BCAS4: variants seen among roughly 807,000 people sequenced by gnomAD.
BCAS4 encodes breast carcinoma-amplified sequence 4.
BCAS4 carries 9 observed loss-of-function variants against 15.7 expected under a neutral mutation model. The ratio of observed to expected loss-of-function variants is 0.57; its 90% CI spans 0.34 to 1.00. The LOEUF is 1.00. BCAS4 is among the 50% of genes least tolerant of loss of function. The pLI is 0.02. For missense variants in BCAS4, 225 were observed against 239.1 expected (o/e 0.94, Z 0.39); for synonymous variants, 101 against 99.5 (o/e 1.02, Z -0.09).
chr20:50,864,884 A>G (rs1285476130), intron 4 of BCAS4, among the ~76,000 whole-genome samples: 9 of 151,470 alleles, frequency 5.9e-5, no homozygotes, highest in Admixed American at 5.9e-4. Context: ...ACTTGAGGTC[A>G]GGAGTTTGAG....
chr20:50,846,121 G>A (rs1203592161), intron 4 of BCAS4, among the ~76,000 whole-genome samples: 1 of 152,240 alleles, frequency 6.6e-6, no homozygotes, highest in Non-Finnish European at 1.5e-5. Context: ...CCACAAAAAT[G>A]TACGCATGAC....
intron 3 of BCAS4, among the ~76,000 whole-genome samples, chr20:50,839,255 GCA>G (rs1202176187): frequency 6.6e-6 from 1 of 152,202 alleles, no homozygotes; most frequent in Non-Finnish European, 1.5e-5. Flanking sequence ...ACGTGCATAC[GCA>G]CACTAACACA....
chr20:50,836,734 C>CT (rs11481384), intron 3 of BCAS4, among the ~76,000 whole-genome samples: 9,588 of 152,036 alleles, frequency 0.063, 381 homozygotes, highest in African/African-American at 0.11. Flanking sequence ...TAAAAACTAA[C>CT]TTTTTTTTGA....
At chr20:50,818,366 G>T in intron 2 of BCAS4, 84 bp downstream of exon 2, 1 of 1,401,160 alleles carries the variant, frequency 7.1e-7, no homozygotes, top group Non-Finnish European at 9.8e-7. Context: ...AGCCATTTTG[G>T]TGGTGAGTTA....
chr20:50,867,730 A>G (rs1979427682), intron 4 of BCAS4, among the ~76,000 whole-genome samples: 1 of 152,216 alleles, frequency 6.6e-6, no homozygotes, highest in Non-Finnish European at 1.5e-5. Flanking sequence ...CCTAGTCAAC[A>G]TGGTGAAACC....
chr20:50,841,902 T>G lies in BCAS4; in HGVS notation c.399+2T>G. On this transcript the variant is annotated splice_donor_variant, in intron 4 of 4. Transcript: ENST00000371608. LOFTEE classifies it high-confidence loss of function. ...GCAGGGCTCCCCTCCTTCAGGAACG[T>G]GAGTATCCTGCCCCGAGAAGTGAGG... The G allele has an allele frequency of 1.3e-6, 2 of 1,573,374 alleles. No individual in the cohort carries two copies. The highest frequency in any genetic ancestry group is 1.7e-6 in the Non-Finnish European group (2 of 1,158,622).
chr20:50,861,506 C>T (rs186752573), intron 4 of BCAS4, among the ~76,000 whole-genome samples: 88 of 152,314 alleles, frequency 5.8e-4, no homozygotes, highest in African/African-American at 1.9e-3. Context: ...CCAGCACGGA[C>T]GGCCTGTCTT....
intron 4 of BCAS4, among the ~76,000 whole-genome samples, chr20:50,867,787 G>A (rs751570660): frequency 1.3e-5 from 2 of 152,210 alleles, no homozygotes; most frequent in South Asian, 2.1e-4. Flanking sequence ...GGTGGCGCAC[G>A]CGTGTAATCC....
intron 4 of BCAS4, among the ~76,000 whole-genome samples, chr20:50,845,185 A>G (rs1001964181): frequency 7.2e-5 from 11 of 152,190 alleles, no homozygotes; most frequent in African/African-American, 2.6e-4. Flanking sequence ...GCCCACCCAG[A>G]AAATGGTGGA....
chr20:50,804,132 G>T (rs557655345), intron 1 of BCAS4, among the ~76,000 whole-genome samples: 1 of 152,070 alleles, frequency 6.6e-6, no homozygotes, highest in Non-Finnish European at 1.5e-5. Context: ...TCTGCCTCCC[G>T]GGTTCAAGCG....
Position 50,824,917 on chromosome 20 carries a change from GT to G in BCAS4, c.163-5354del, listed in dbSNP as rs986114242. On this transcript the variant is annotated intron_variant, in intron 2 of 4. Transcript: ENST00000371608. ...CATCTGGTTTGGTTTTACTTTTTTTGTTTTTTTTAGGCATGATTGGGCTGAC... is the reference window on the plus strand; with the variant it reads ...CATCTGGTTTGGTTTTACTTTTTTTGTTTTTTTAGGCATGATTGGGCTGAC... 3.3e-5 allele frequency among the ~76,000 whole-genome samples: 5 copies of G among 151,896 alleles called. No individual in the cohort carries two copies. The South Asian group carries it at 1.0e-3, about 32-fold the overall frequency.
intron 1 of BCAS4, among the ~76,000 whole-genome samples, chr20:50,811,861 G>A (rs1191149328): frequency 1.3e-5 from 2 of 152,182 alleles, no homozygotes; most frequent in Non-Finnish European, 2.9e-5. Flanking sequence ...GACCTCAAGT[G>A]ATCTGCCTGC....
chr20:50,845,414 G>A (rs903532255), intron 4 of BCAS4, among the ~76,000 whole-genome samples: 1 of 152,098 alleles, frequency 6.6e-6, no homozygotes, highest in African/African-American at 2.4e-5. Flanking sequence ...CCCCAGGGTG[G>A]ACACCTCCTT....
chr20:50,849,874 C>T (rs1978328459), intron 4 of BCAS4, among the ~76,000 whole-genome samples: 1 of 152,120 alleles, frequency 6.6e-6, no homozygotes, highest in South Asian at 2.1e-4. Context: ...CACCTGTAAT[C>T]CCAGCACTTT....
chr20:50,808,073 A>G (rs1441807114), intron 1 of BCAS4, among the ~76,000 whole-genome samples: 1 of 150,982 alleles, frequency 6.6e-6, no homozygotes, highest in East Asian at 2.0e-4. Flanking sequence ...ATGCCCGGCT[A>G]ATTTTTTTTT....
At chr20:50,808,524 T>C (rs901841296) in intron 1 of BCAS4, among the ~76,000 whole-genome samples, 4 of 152,184 alleles carry the variant, frequency 2.6e-5, no homozygotes, top group Admixed American at 2.6e-4. Context: ...CATCTGTTAT[T>C]TTTTGATTTT....
chr20:50,882,676 A>G, the BCAS4 span: 4 of 152,246 alleles, frequency 2.6e-5, no homozygotes, highest in African/African-American at 9.6e-5. Flanking sequence ...ATGCATATAA[A>G]GAACTGAATT....
downstream of BCAS4, chr20:50,878,873 CA>C (rs1225463776): frequency 9.9e-5 from 15 of 152,180 alleles, no homozygotes; most frequent in African/African-American, 3.6e-4. Context: ...TAAGCCTCAC[CA>C]GACTGAGCAA....
At chr20:50,810,659 C>T (rs1055023712) in intron 1 of BCAS4, among the ~76,000 whole-genome samples, 4 of 149,500 alleles carry the variant, frequency 2.7e-5, no homozygotes, top group African/African-American at 7.4e-5. Flanking sequence ...GGCGCGATCT[C>T]GGCTCACTGC....
Sources: allele counts gnomAD v4.1 joint callset (sites outside exome capture counted in the v4.1 genomes callset), GRCh38; gene constraint gnomAD v4.1.1; transcripts MANE v1.5; gene names NCBI Gene and HGNC (gene_info 2026-07-23, HGNC 2026-07-21).